The following AIG1 variants were observed in gnomAD, a reference collection of about 807,000 sequenced individuals.
AIG1 encodes the protein androgen-induced gene 1 protein.
AIG1 carries 23 observed loss-of-function variants against 31.4 expected under a neutral mutation model. The ratio of observed to expected loss-of-function variants is 0.73; its 90% CI spans 0.53 to 1.04. The LOEUF (loss-of-function observed/expected upper bound fraction) is 1.04, where lower values mean the gene tolerates loss of function less well. AIG1 is among the 50% of genes least tolerant of loss of function. AIG1 has a pLI of 0.00. For synonymous variants in AIG1, 100 were observed against 110.5 expected (o/e 0.90, Z 0.60); for missense variants, 274 against 295.0 (o/e 0.93, Z 0.52).
chr6:143,180,318 T>C (rs1194493936), intron 3 of AIG1, among the ~76,000 whole-genome samples: 3 of 152,188 alleles, frequency 2.0e-5, no homozygotes, highest in African/African-American at 7.2e-5. Flanking sequence ...AGGTTGGAAA[T>C]GGCATATTTG....
At chr6:143,187,993 T>G (rs1789425737) in intron 3 of AIG1, 1 of 1,156,056 alleles carries the variant, frequency 8.7e-7, no homozygotes, top group Non-Finnish European at 1.1e-6. Flanking sequence ...AAAAATTAGG[T>G]AATGGAGAAC....
rs1402921251 is a variant in AIG1, at chr6:143,165,331, G to A, written c.399+148G>A. ...TGGGAGATTAAAATTAGAGAATACT[G>A]TAATATTTACTGAATATAAATAGAA... On this transcript the variant is annotated intron_variant, in intron 3 of 5. Transcript: ENST00000357847. 9.7e-5 allele frequency: 59 copies of A among 610,790 alleles called. No individual in the cohort carries two copies. In the Admixed American group the frequency reaches 1.8e-3, roughly 18 times the overall value. 37.8% of individuals were successfully genotyped at this position (610,790 alleles called of 1,614,324 possible).
chr6:143,311,312 T>C (rs941969900), intron 4 of AIG1, among the ~76,000 whole-genome samples: 1 of 151,902 alleles, frequency 6.6e-6, no homozygotes, highest in Non-Finnish European at 1.5e-5. Flanking sequence ...CTCAAGATGA[T>C]GGAGACTCCC....
chr6:143,279,224 G>A lies in AIG1; in HGVS notation c.400-4886G>A, dbSNP rs1247598700. Among the ~76,000 whole-genome samples, 1 of 152,172 alleles carries A rather than the reference G, an allele frequency of 6.6e-6. No homozygotes were observed. Among genetic ancestry groups the A allele is most frequent in the Non-Finnish European group, 1.5e-5 (1 of 68,028 alleles). ...AGACATTTTCATGGGCCCTGGCACT[G>A]TGGCTACTGTCCCTAAAGCATAGGT... On this transcript the variant is annotated intron_variant, in intron 3 of 5. Coordinates refer to ENST00000357847, the MANE Select transcript of AIG1 (RefSeq NM_016108.4). This position sits in a 1 kb window ranked among gnomAD's most constrained non-coding sequence, Gnocchi z 5.4.
At chr6:143,184,972 C>T (rs768942817) in intron 3 of AIG1, among the ~76,000 whole-genome samples, 3 of 151,900 alleles carry the variant, frequency 2.0e-5, no homozygotes, top group Non-Finnish European at 2.9e-5. Context: ...CCGAGGTGGG[C>T]GGATCACAAG....
chr6:143,095,803 T>A (rs1779715354), intron 1 of AIG1, among the ~76,000 whole-genome samples: 1 of 151,454 alleles, frequency 6.6e-6, no homozygotes, highest in African/African-American at 2.4e-5. Context: ...AATTCAACAA[T>A]GAAGTAGAAA....
chr6:143,149,620 G>C (rs1006490868), intron 2 of AIG1, among the ~76,000 whole-genome samples: 7 of 151,500 alleles, frequency 4.6e-5, no homozygotes, highest in African/African-American at 1.7e-4. Context: ...TTTTCCTTGA[G>C]GTGGCTTAAC....
chr6:143,162,444 C>T (rs894129042), intron 2 of AIG1, among the ~76,000 whole-genome samples: 5 of 152,160 alleles, frequency 3.3e-5, no homozygotes, highest in Non-Finnish European at 4.4e-5. Flanking sequence ...GCAGTCATAA[C>T]AATTTGGAAA....
chr6:143,232,871 T>C (rs1793543273), intron 3 of AIG1, among the ~76,000 whole-genome samples: 1 of 152,230 alleles, frequency 6.6e-6, no homozygotes, highest in African/African-American at 2.4e-5. Flanking sequence ...TACATGTTTA[T>C]GTGTGGAAGG....
chr6:143,089,125 G>A (rs549777623), intron 1 of AIG1, among the ~76,000 whole-genome samples: 29 of 151,788 alleles, frequency 1.9e-4, no homozygotes, highest in African/African-American at 4.4e-4. Flanking sequence ...CAGGAGAATC[G>A]CTTGAACCTG....
chr6:143,165,777 T>G (rs1786871958), intron 3 of AIG1, among the ~76,000 whole-genome samples: 1 of 152,212 alleles, frequency 6.6e-6, no homozygotes, highest in Non-Finnish European at 1.5e-5. Flanking sequence ...TCTAATTCTT[T>G]CTGGTGCTTT....
At chr6:143,173,551 T>G (rs1378946150) in intron 3 of AIG1, among the ~76,000 whole-genome samples, 1 of 152,222 alleles carries the variant, frequency 6.6e-6, no homozygotes, top group African/African-American at 2.4e-5. Flanking sequence ...TAGCACTGCT[T>G]TTGCTGTATC....
intron 3 of AIG1, among the ~76,000 whole-genome samples, chr6:143,167,023 A>T (rs558584180): frequency 2.2e-4 from 33 of 152,320 alleles, no homozygotes; most frequent in Non-Finnish European, 2.4e-4. Context: ...TAAGAGGAAC[A>T]TCTTCAGGGT....
intron 3 of AIG1, chr6:143,189,184 C>A: frequency 2.4e-6 from 1 of 424,718 alleles, no homozygotes; most frequent in Non-Finnish European, 3.1e-6. Context: ...GCTGGGACCA[C>A]AGATGTGGAC....
intron 1 of AIG1, among the ~76,000 whole-genome samples, chr6:143,097,039 C>T (rs942738082): frequency 2.0e-5 from 3 of 152,082 alleles, no homozygotes; most frequent in Non-Finnish European, 4.4e-5. Flanking sequence ...CCACAGAAAA[C>T]CATTATTATA....
At position 143,329,079 on chromosome 6, in the gene AIG1, A is replaced by T. The variant is rs1405111766; in HGVS notation, c.516-4203A>T. On this transcript the variant is annotated intron_variant, in intron 4 of 5. Coordinates refer to ENST00000357847, the MANE Select transcript of AIG1 (RefSeq NM_016108.4). The surrounding 1 kb of genome is among the most constrained non-coding windows in gnomAD (Gnocchi z 4.9). Reference sequence around the variant, plus strand: ...AAGCACAACTTGTTAAGACAAGTGGATGCATCATTCACACTGATCCAGGTG... The same window carrying T: ...AAGCACAACTTGTTAAGACAAGTGGTTGCATCATTCACACTGATCCAGGTG... 6.6e-6 allele frequency among the ~76,000 whole-genome samples: 1 copy of T among 152,252 alleles called. No individual in the cohort carries two copies. Among genetic ancestry groups the T allele is most frequent in the African/African-American group, 2.4e-5 (1 of 41,468 alleles).
chr6:143,303,531 G>C (rs1217102247), intron 4 of AIG1, among the ~76,000 whole-genome samples: 1 of 152,158 alleles, frequency 6.6e-6, no homozygotes, highest in African/African-American at 2.4e-5. Context: ...AGATTAGATA[G>C]TTGTAGATAT....
At chr6:143,137,614 C>T (rs1783879488) in intron 2 of AIG1, among the ~76,000 whole-genome samples, 1 of 152,160 alleles carries the variant, frequency 6.6e-6, no homozygotes, top group Non-Finnish European at 1.5e-5. Flanking sequence ...AAGTAAATGC[C>T]TCTTAATGTT....
chr6:143,129,799 C>T (rs1232888235), intron 1 of AIG1, among the ~76,000 whole-genome samples: 1 of 151,582 alleles, frequency 6.6e-6, no homozygotes. Flanking sequence ...AAATTAGTTT[C>T]TTTTTCCTCT....
Sources: gnomAD v4.1 joint callset for allele counts (sites outside exome capture counted in the v4.1 genomes callset) on GRCh38, gnomAD v4.1.1 for gene constraint, Gnocchi (gnomAD v3.1) non-coding constraint, MANE v1.5 for transcripts, NCBI Gene and HGNC (gene_info 2026-07-23, HGNC 2026-07-21) for gene names.